The following PCDHA9 variants were observed in gnomAD, a reference collection of about 807,000 sequenced individuals.
The protein encoded by PCDHA9 is protocadherin alpha 9.
A neutral mutation model predicts 62.0 loss-of-function variants in PCDHA9; 62 were observed. The ratio of observed to expected loss-of-function variants is 1.00; its 90% confidence interval spans 0.81 to 1.23. The LOEUF is 1.23. PCDHA9 is among the 50% of genes most tolerant of loss of function. The pLI is 0.00. For missense variants in PCDHA9, 1,205 were observed against 1,249.8 expected, an observed-to-expected ratio of 0.96 and a Z score of 0.54; for synonymous variants, 557 against 567.6, an observed-to-expected ratio of 0.98 and a Z score of 0.27.
intron 1 of PCDHA9, chr5:140,868,979 C>A: frequency 6.7e-7 from 1 of 1,485,290 alleles, no homozygotes; most frequent in Non-Finnish European, 9.0e-7. Context: ...TCCATCATAC[C>A]GGATGCCACC....
At chr5:140,930,446 C>T (rs891083222) in intron 1 of PCDHA9, 1 of 151,964 alleles carries the variant, frequency 6.6e-6, no homozygotes, top group Admixed American at 6.6e-5. Context: ...TGGTCTCAAA[C>T]TCCTAGCCTC....
At chr5:140,867,661 C>A (rs940517637) in intron 1 of PCDHA9, 30 of 152,196 alleles carry the variant, frequency 2.0e-4, no homozygotes, top group African/African-American at 6.7e-4. Flanking sequence ...AAATCACTTT[C>A]TACTCTAAAA....
intron 1 of PCDHA9, chr5:140,857,302 G>T: frequency 6.3e-7 from 1 of 1,598,652 alleles, no homozygotes; most frequent in Non-Finnish European, 8.6e-7. Flanking sequence ...AGAGGGTGTC[G>T]GCCTATGAGC....
intron 1 of PCDHA9, among the ~76,000 whole-genome samples, chr5:140,931,140 G>C (rs1176305397): frequency 6.6e-6 from 1 of 152,070 alleles, no homozygotes; most frequent in African/African-American, 2.4e-5. Context: ...TATTTGCAGT[G>C]GATACTATTT....
At chr5:140,924,697 C>A (rs1443260109) in intron 1 of PCDHA9, among the ~76,000 whole-genome samples, 5 of 151,946 alleles carry the variant, frequency 3.3e-5, no homozygotes, top group Admixed American at 2.6e-4. Context: ...GAGTTCGAGA[C>A]CAGCTTGTGC....
chr5:140,928,949 T>C, intron 1 of PCDHA9: 1 of 1,614,066 alleles, frequency 6.2e-7, no homozygotes, highest in Non-Finnish European at 8.5e-7. Flanking sequence ...TATTTAGTAA[T>C]TGCCTTGGCT....
At position 140,849,770 on chromosome 5, in the gene PCDHA9, T is replaced by A. The variant is rs1407416435; in HGVS notation, c.1275T>A (p.Val425=). The change falls in exon 1 of 4, where the codon GTT becomes GTA. Residue 425 remains valine (V), a synonymous_variant. Transcript: ENST00000532602. ...RESVSAYELV[V]TARDGGSPSL... ...GTGTGTCCGCCTACGAGCTGGTGGT[T>A]ACCGCGCGGGACGGGGGCTCGCCTT... 6.3e-7 allele frequency: 1 copy of A among 1,598,458 alleles called. No homozygotes were observed. Among genetic ancestry groups the A allele is most frequent in the East Asian group, 2.2e-5 (1 of 44,848 alleles).
At chr5:140,915,207 A>G (rs1238146165) in intron 1 of PCDHA9, among the ~76,000 whole-genome samples, 2 of 152,154 alleles carry the variant, frequency 1.3e-5, no homozygotes, top group Non-Finnish European at 2.9e-5. Flanking sequence ...TTGGCCTCCC[A>G]AAGTGCTGGG....
At chr5:140,979,169 A>T (rs2096837685) in intron 2 of PCDHA9, 162 bp downstream of exon 2, 1 of 966,312 alleles carries the variant, frequency 1.0e-6, no homozygotes, top group Admixed American at 6.2e-5. Context: ...TCCTTGAAAG[A>T]TCGCAAATGG....
intron 1 of PCDHA9, among the ~76,000 whole-genome samples, chr5:140,899,116 T>C (rs563698448): frequency 6.6e-6 from 1 of 152,246 alleles, no homozygotes; most frequent in South Asian, 2.1e-4. Flanking sequence ...TTTCTAGATA[T>C]ACAATCATGT....
At chr5:140,977,730 T>C (rs1478978176) in intron 1 of PCDHA9, among the ~76,000 whole-genome samples, 1 of 152,226 alleles carries the variant, frequency 6.6e-6, no homozygotes, top group Non-Finnish European at 1.5e-5. Flanking sequence ...ATTTCTCTCC[T>C]GGGTGTTATG....
intron 1 of PCDHA9, chr5:140,884,069 T>A (rs2059977023): frequency 6.2e-7 from 1 of 1,613,394 alleles, no homozygotes; most frequent in Non-Finnish European, 8.5e-7. Flanking sequence ...GGACGCCGAT[T>A]CGGGCTACAA....
At chr5:141,008,299 C>T (rs1223779122) in intron 3 of PCDHA9, among the ~76,000 whole-genome samples, 2 of 152,120 alleles carry the variant, frequency 1.3e-5, no homozygotes, top group Non-Finnish European at 2.9e-5. Flanking sequence ...TGTACCCAAC[C>T]CTAAACTGTA....
intron 1 of PCDHA9, among the ~76,000 whole-genome samples, chr5:140,934,646 T>C (rs1554210032): frequency 6.6e-6 from 1 of 152,116 alleles, no homozygotes; most frequent in African/African-American, 2.4e-5. Flanking sequence ...GCAGGATAAA[T>C]GTTTGATTCT....
chr5:140,869,928 A>T, intron 1 of PCDHA9: 1 of 1,611,724 alleles, frequency 6.2e-7, no homozygotes, highest in Non-Finnish European at 8.5e-7. Flanking sequence ...GAGTCAATGG[A>T]GAGGTAACAT....
rs782141223 is a variant in PCDHA9, at chr5:140,929,191, AAC to A, written c.2395-49756_2395-49755del. On this transcript the variant is annotated intron_variant, in intron 1 of 3. Transcript: ENST00000532602. ...CTCTCTGGGACTTGGTTCTGATAAT[AAC>A]AGTTTGCTGTTGCGTGGGGAGTACA... is the stretch of plus-strand genomic sequence containing the variant. 3.1e-6 allele frequency: 5 copies of A among 1,614,000 alleles called. No homozygotes were observed. In the African/African-American group the frequency reaches 6.7e-5, roughly 22 times the overall value.
At chr5:140,867,507 C>G (rs190699676) in intron 1 of PCDHA9, 5 of 151,968 alleles carry the variant, frequency 3.3e-5, no homozygotes, top group Non-Finnish European at 7.4e-5. Flanking sequence ...AGAACAAAAT[C>G]TCAAATTAAT....
Position 140,848,783 on chromosome 5 carries a change from C to A in PCDHA9, c.288C>A (p.Cys96Ter), listed in dbSNP as rs2150420389. 1.5e-5 allele frequency: 24 copies of A among 1,593,092 alleles called. 2 individuals carry two copies. The highest frequency in any genetic ancestry group is 2.2e-5 in the East Asian group (1 of 44,812). Residue 96 changes from cysteine (C) to a stop codon, truncating the protein, a stop_gained, in exon 1 of 4, where the codon TGC (cysteine) becomes TGA (stop). Transcript: ENST00000532602. LOFTEE classifies it high-confidence loss of function. ...CTCGGATCGACCGCGAGGAGCTGTG[C>A]GGGCGGAGCGCGGAGTGCAGCATCC... is the stretch of plus-strand genomic sequence containing the variant. ...VNSRIDREEL[C>*]GRSAECSIHL...
chr5:140,991,139 G>GT (rs1563571112), intron 3 of PCDHA9, among the ~76,000 whole-genome samples: 3 of 152,126 alleles, frequency 2.0e-5, no homozygotes, highest in Non-Finnish European at 4.4e-5. Flanking sequence ...TAGTAAAAAT[G>GT]TTTTTTGCTC....
Sources: allele counts gnomAD v4.1 joint callset (sites outside exome capture counted in the v4.1 genomes callset), GRCh38; gene constraint gnomAD v4.1.1; transcripts MANE v1.5; gene names NCBI Gene and HGNC (gene_info 2026-07-23, HGNC 2026-07-21).